NCOA1: variants seen among roughly 807,000 people sequenced by gnomAD.
NCOA1 encodes nuclear receptor coactivator 1.
Under a neutral mutation model 150.9 loss-of-function variants are expected in NCOA1, and 35 were observed. The observed-to-expected ratio is 0.23, with a 90% CI of 0.18 to 0.31. The LOEUF (loss-of-function observed/expected upper bound fraction) is 0.31, where lower values mean the gene tolerates loss of function less well. NCOA1 is among the 10% of genes least tolerant of loss of function. NCOA1 has a pLI of 1.00. For synonymous variants in NCOA1, 590 were observed against 630.0 expected (o/e 0.94, Z 0.95); for missense variants, 1,491 against 1,749.3 (o/e 0.85, Z 2.63).
chr2:24,694,953 G>C (rs1484914733), intron 10 of NCOA1, among the ~76,000 whole-genome samples: 1 of 152,004 alleles, frequency 6.6e-6, no homozygotes, highest in African/African-American at 2.4e-5. Context: ...TAAGGGCTTT[G>C]TGAGATAGCA....
At position 24,711,542 on chromosome 2, in the gene NCOA1, A is replaced by T. The variant is rs117840041; in HGVS notation, c.2599+431A>T. On this transcript the variant is annotated intron_variant, in intron 14 of 22. Coordinates refer to ENST00000348332, the MANE Select transcript of NCOA1 (RefSeq NM_003743.5). ...ATTTCATATTGATGTTTTAATGCCT[A>T]TTAGCAGTTTTGAGAAGCCTTGTAT... 9.1e-4 allele frequency: 139 copies of T among 152,716 alleles called. 2 individuals carry two copies. The East Asian group carries it at 0.016, about 18-fold the overall frequency. The allele number at this position is 152,716 out of a possible 1,614,324, so 9.5% of individuals were successfully genotyped here.
chr2:24,550,397 A>G (rs62142277), intron 1 of NCOA1, among the ~76,000 whole-genome samples: 45,226 of 152,058 alleles, frequency 0.3, 7,270 homozygotes, highest in Non-Finnish European at 0.35. Context: ...GGCTGGGGAG[A>G]CCTCACAATT....
chr2:24,716,214 A>ATG (rs1180146680), intron 14 of NCOA1, among the ~76,000 whole-genome samples: 1 of 151,260 alleles, frequency 6.6e-6, no homozygotes, highest in Non-Finnish European at 1.5e-5. Context: ...TAAAGTGTAT[A>ATG]TGAGAATGCA....
At chr2:24,726,734 G>T in intron 15 of NCOA1, 28 bp downstream of exon 15, 1 of 1,427,048 alleles carries the variant, frequency 7.0e-7, no homozygotes, top group South Asian at 1.3e-5. Context: ...TATTTTATAA[G>T]GTATCAGATA....
In NCOA1 at chr2:24,768,346, C is replaced by A; in HGVS notation, c.4281C>A (p.Pro1427=). Reference sequence around the variant, plus strand: ...AGCCCACGTCAGGACCACAGACCCCCCAGGCCCAGCAGAAGAGCCTCCTTC... The same window carrying A: ...AGCCCACGTCAGGACCACAGACCCCACAGGCCCAGCAGAAGAGCCTCCTTC... ...TQKPTSGPQT[P]QAQQKSLLQQ... is the part of the protein sequence containing the mutation. The change falls in exon 23 of 23, where the codon CCC becomes CCA. Residue 1427 remains proline, a synonymous_variant. Transcript: ENST00000348332. The A allele has an allele frequency of 6.2e-7, 1 of 1,613,336 alleles. No individual in the cohort carries two copies. The highest frequency in any genetic ancestry group is 8.5e-7 in the Non-Finnish European group (1 of 1,179,630).
In NCOA1 at chr2:24,648,661, T is replaced by C. The variant is rs868680187; in HGVS notation, c.-18+4539T>C. Among the ~76,000 whole-genome samples the C allele has an allele frequency of 7.9e-4, 120 of 152,354 alleles. 2 individuals carry two copies. Among genetic ancestry groups the C allele is most frequent in the Non-Finnish European group, 3.1e-4 (21 of 68,034 alleles). ...GGAGGTTTGTCTGACTTAATCATTT[T>C]ATAACACCCTCAAAATACAATTCCA... On this transcript the variant is annotated intron_variant, in intron 4 of 22. Transcript: ENST00000348332.
At chr2:24,731,687 G>A (rs538326785) in intron 17 of NCOA1, among the ~76,000 whole-genome samples, 42 of 152,292 alleles carry the variant, frequency 2.8e-4, no homozygotes, top group Admixed American at 1.4e-3. Context: ...AAAAGAGAAA[G>A]AGAAGGAATC....
intron 2 of NCOA1, among the ~76,000 whole-genome samples, chr2:24,569,857 G>A (rs1666668576): frequency 6.9e-6 from 1 of 145,682 alleles, no homozygotes; most frequent in Admixed American, 6.9e-5. Context: ...GCAACAGAGT[G>A]ATACTCCGTC....
intron 3 of NCOA1, among the ~76,000 whole-genome samples, chr2:24,617,458 T>G (rs1264872735): frequency 6.6e-6 from 1 of 152,170 alleles, no homozygotes; most frequent in Non-Finnish European, 1.5e-5. Context: ...GCTTCCATAG[T>G]AATCCATTCT....
At chr2:24,745,511 G>T (rs1663871263) in intron 19 of NCOA1, among the ~76,000 whole-genome samples, 1 of 152,096 alleles carries the variant, frequency 6.6e-6, no homozygotes, top group African/African-American at 2.4e-5. Flanking sequence ...TGAGAAATTG[G>T]TTTCTTTAGT....
At chr2:24,509,844 GTA>G (rs929741829) in intron 1 of NCOA1, among the ~76,000 whole-genome samples, 25 of 152,066 alleles carry the variant, frequency 1.6e-4, no homozygotes, top group African/African-American at 6.0e-4. Context: ...ATAATTGAAT[GTA>G]TAATATTTTA....
intron 19 of NCOA1, among the ~76,000 whole-genome samples, chr2:24,750,920 G>A (rs1294617263): frequency 6.6e-6 from 1 of 151,638 alleles, no homozygotes; most frequent in Non-Finnish European, 1.5e-5. Context: ...GCTTAAAAGG[G>A]GGAAGGAGGG....
chr2:24,545,391 G>A (rs973289101), intron 1 of NCOA1, among the ~76,000 whole-genome samples: 11 of 152,070 alleles, frequency 7.2e-5, no homozygotes, highest in African/African-American at 2.7e-4. Context: ...TTGCATTATT[G>A]GATTATGACC....
intron 20 of NCOA1, 83 bp downstream of exon 20, chr2:24,752,239 T>G: frequency 7.0e-7 from 1 of 1,437,318 alleles, no homozygotes; most frequent in South Asian, 1.4e-5. Flanking sequence ...TGGTTGAACC[T>G]CAGGAACATT....
At chr2:24,699,490 C>A (rs12468225) in intron 11 of NCOA1, among the ~76,000 whole-genome samples, 114,166 of 151,960 alleles carry the variant, frequency 0.75, 44,751 homozygotes, top group Non-Finnish European at 0.85. Flanking sequence ...AGTAAAATGT[C>A]AAGAAATGTA....
intron 17 of NCOA1, among the ~76,000 whole-genome samples, chr2:24,737,429 A>G (rs905576283): frequency 3.3e-5 from 5 of 152,168 alleles, no homozygotes; most frequent in African/African-American, 1.2e-4. Flanking sequence ...TACTTCTAAA[A>G]AAGAGCCTAT....
intron 1 of NCOA1, among the ~76,000 whole-genome samples, chr2:24,512,392 A>G (rs1400941897): frequency 6.6e-6 from 1 of 152,228 alleles, no homozygotes; most frequent in African/African-American, 2.4e-5. Flanking sequence ...ATCAAAACCC[A>G]CAGTGTTTTA....
chr2:24,498,811 T>A (rs1174478997), intron 1 of NCOA1, among the ~76,000 whole-genome samples: 1 of 152,158 alleles, frequency 6.6e-6, no homozygotes, highest in African/African-American at 2.4e-5. Context: ...TTTTCCAAAT[T>A]TACGTGGATC....
At chr2:24,655,335 TAA>T (rs1311794839) in intron 4 of NCOA1, among the ~76,000 whole-genome samples, 6 of 152,182 alleles carry the variant, frequency 3.9e-5, no homozygotes, top group African/African-American at 1.2e-4. Flanking sequence ...TTAACATATA[TAA>T]TCTATATGCT....
Sources: allele counts gnomAD v4.1 joint callset (sites outside exome capture counted in the v4.1 genomes callset), GRCh38; gene constraint gnomAD v4.1.1; transcripts MANE v1.5; gene names NCBI Gene and HGNC (gene_info 2026-07-23, HGNC 2026-07-21).